Variants in KANSL3 observed in about 807,000 individuals in gnomAD.
The protein encoded by KANSL3 is NSL complex protein NSL3.
In KANSL3, 16 loss-of-function variants were observed where a neutral mutation model predicts 89.2. The observed-to-expected ratio is 0.18, with a 90% CI of 0.12 to 0.27. The LOEUF is 0.27. KANSL3 is among the 10% of genes least tolerant of loss of function. The pLI is 1.00. For missense variants in KANSL3, 879 were observed against 1,110.6 expected (o/e 0.79, Z 2.96); for synonymous variants, 385 against 419.7 (o/e 0.92, Z 1.01).
the KANSL3 span, among the ~76,000 whole-genome samples, chr2:96,583,574 G>C: frequency 6.6e-6 from 1 of 152,144 alleles, no homozygotes; most frequent in African/African-American, 2.4e-5. Context: ...GATTCATCCA[G>C]GTCATTGCAT....
At chr2:96,588,091 T>C in the KANSL3 span, among the ~76,000 whole-genome samples, 9 of 151,138 alleles carry the variant, frequency 6.0e-5, no homozygotes, top group Non-Finnish European at 8.8e-5. Context: ...ACTGAAAAAA[T>C]AGTGGCTGAA....
At chr2:96,627,979 A>T (rs1292204706) in intron 3 of KANSL3, 4 of 1,289,922 alleles carry the variant, frequency 3.1e-6, no homozygotes, top group Non-Finnish European at 3.0e-6. Flanking sequence ...AAATCTCATC[A>T]GACACTAAGA....
Position 96,601,716 on chromosome 2 carries a change from G to A in KANSL3, c.2543C>T (p.Thr848Ile). The A allele has an allele frequency of 6.2e-7, 1 of 1,608,968 alleles. No individual in the cohort carries two copies. The highest frequency in any genetic ancestry group is 1.1e-5 in the South Asian group (1 of 90,358). Residue 848 changes from threonine (T) to isoleucine (I), a missense_variant, in exon 20 of 21, where the codon ACA becomes ATA. Thr to Ile is a moderately conservative substitution (Grantham distance 89). This residue lies in a region of KANSL3 where 61 missense variants were observed against 61.7 expected (regional missense o/e 0.99). Coordinates refer to ENST00000431828, the MANE Select transcript of KANSL3 (RefSeq NM_001115016.3). The stretch of plus-strand genomic sequence containing the variant: ...TGCTCCTGAGCCCATAGGGCTCAGT[G>A]TAGTGATCCTGCTCGGCTGGCCACG... ...TLRGQPSRITTLSPMGSGAAP... is the reference protein window; with the variant it reads ...TLRGQPSRITILSPMGSGAAP...
chr2:96,604,102 C>T, intron 17 of KANSL3, 148 bp downstream of exon 17: 1 of 826,916 alleles, frequency 1.2e-6, no homozygotes, highest in Non-Finnish European at 1.7e-6. Flanking sequence ...CAAGCTAATT[C>T]CAGCTTCACG....
intron 9 of KANSL3, among the ~76,000 whole-genome samples, chr2:96,611,903 A>ATGTGTGTGTGTG (rs59217274): frequency 0.053 from 5,995 of 113,246 alleles, 324 homozygotes; most frequent in African/African-American, 0.099. Flanking sequence ...ATATACCCAT[A>ATGTGTGTGTGTG]TGTGTGTGTG....
At chr2:96,596,115 A>G (rs1350794136) in intron 20 of KANSL3, among the ~76,000 whole-genome samples, 1 of 152,224 alleles carries the variant, frequency 6.6e-6, no homozygotes, top group South Asian at 2.1e-4. Flanking sequence ...GGCCTTAGAC[A>G]TGTAGGTGTG....
chr2:96,624,861 T>C (rs534923502), intron 3 of KANSL3, among the ~76,000 whole-genome samples: 2 of 152,180 alleles, frequency 1.3e-5, no homozygotes, highest in South Asian at 4.2e-4. Flanking sequence ...CAAGTATCTC[T>C]GTAGGATAAT....
chr2:96,604,652 C>A (rs182617756), intron 16 of KANSL3, 127 bp downstream of exon 16: 366 of 890,170 alleles, frequency 4.1e-4, no homozygotes, highest in Non-Finnish European at 6.0e-4. Flanking sequence ...AGATCCCAAT[C>A]AGAAGTAAGT....
intron 2 of KANSL3, chr2:96,634,144 C>T (rs1255691815): frequency 2.0e-5 from 3 of 152,216 alleles, no homozygotes; most frequent in African/African-American, 7.2e-5. Context: ...CTGGAATGCA[C>T]ATACCTTAGC....
At chr2:96,598,125 T>C (rs956724196) in intron 20 of KANSL3, 84 of 985,300 alleles carry the variant, frequency 8.5e-5, no homozygotes, top group Admixed American at 1.2e-4. Context: ...TGTGTTCTAG[T>C]TGTCCATCAA....
chr2:96,628,891 A>G (rs754646342), intron 3 of KANSL3, among the ~76,000 whole-genome samples: 2 of 152,152 alleles, frequency 1.3e-5, no homozygotes, highest in Non-Finnish European at 2.9e-5. Context: ...AGCCACCACT[A>G]ACTGGTCTTA....
chr2:96,619,811 C>T (rs560738311), intron 3 of KANSL3, 49 bp from the exon 4 acceptor site: 1 of 1,377,608 alleles, frequency 7.3e-7, no homozygotes, highest in Non-Finnish European at 1.0e-6. Flanking sequence ...GGGACGCTCC[C>T]CATGTATGTA....
At chr2:96,615,216 G>A (rs1375686578) in intron 5 of KANSL3, 1 of 150,202 alleles carries the variant, frequency 6.7e-6, no homozygotes, top group South Asian at 1.9e-4. Flanking sequence ...GATCTCTATG[G>A]AGTTTATGGG....
intron 16 of KANSL3, 53 bp from the exon 17 acceptor site, chr2:96,604,433 C>G: frequency 6.3e-7 from 1 of 1,587,318 alleles, no homozygotes; most frequent in South Asian, 1.1e-5. Flanking sequence ...ACAGCAAGCC[C>G]TAGCAACACT....
chr2:96,588,548 T>TG (rs1392521179), downstream of KANSL3, among the ~76,000 whole-genome samples: 1 of 151,826 alleles, frequency 6.6e-6, no homozygotes, highest in Admixed American at 6.6e-5. Flanking sequence ...GAAAGAACAA[T>TG]GGAAAGAGCA....
At chr2:96,591,202 G>A (rs2066268374), downstream of KANSL3, among the ~76,000 whole-genome samples, 1 of 152,210 alleles carries the variant, frequency 6.6e-6, no homozygotes, top group Non-Finnish European at 1.5e-5. Context: ...CAACTTGGAT[G>A]TGTATCAAGG....
At chr2:96,589,938 C>G (rs2066261430), downstream of KANSL3, among the ~76,000 whole-genome samples, 1 of 150,640 alleles carries the variant, frequency 6.6e-6, no homozygotes. Context: ...TACCTGAGGT[C>G]AGGAGTTCAA....
chr2:96,610,521 T>C (rs2068740319), intron 11 of KANSL3: 2 of 455,574 alleles, frequency 4.4e-6, no homozygotes, highest in East Asian at 7.7e-5. Context: ...TTCACCGTGT[T>C]AGCCAGGATG....
chr2:96,605,011 G>T, intron 15 of KANSL3, 148 bp from the exon 16 acceptor site: 1 of 662,050 alleles, frequency 1.5e-6, no homozygotes. Flanking sequence ...GGAGAGTTGG[G>T]GTTATTTTTT....
Sources: gnomAD v4.1 joint callset for allele counts (sites outside exome capture counted in the v4.1 genomes callset) on GRCh38, gnomAD v4.1.1 for gene constraint, gnomAD v4.1.1 regional missense constraint, MANE v1.5 for transcripts, NCBI Gene and HGNC (gene_info 2026-07-23, HGNC 2026-07-21) for gene names.